GALNT13: variants seen among roughly 807,000 people sequenced by gnomAD.
GALNT13 encodes the protein UDP-GalNAc:polypeptide N-acetylgalactosaminyltransferase 13.
In GALNT13, 28 loss-of-function variants were observed where a neutral mutation model predicts 64.2. The observed-to-expected ratio is 0.44, with a 90% confidence interval of 0.32 to 0.60. GALNT13 has a LOEUF of 0.60. Ranked by LOEUF, GALNT13 falls within the 20% of genes least tolerant of loss-of-function variation. GALNT13 has a pLI of 0.05. For missense variants in GALNT13, 577 were observed against 669.8 expected (o/e 0.86, Z 1.53); for synonymous variants, 214 against 224.6 (o/e 0.95, Z 0.42).
chr2:153,569,816 C>T, the GALNT13 span, among the ~76,000 whole-genome samples: 3 of 151,942 alleles, frequency 2.0e-5, no homozygotes, highest in African/African-American at 7.3e-5. Context: ...CCCTATTAAC[C>T]TTGCTCACTT....
At chr2:153,513,753 A>C in the GALNT13 span, among the ~76,000 whole-genome samples, 65 of 152,308 alleles carry the variant, frequency 4.3e-4, no homozygotes, top group African/African-American at 1.5e-3. Flanking sequence ...AGGCACAGGA[A>C]AGCAGAAGCT....
intron 4 of GALNT13, among the ~76,000 whole-genome samples, chr2:154,190,893 C>T (rs1416236229): frequency 1.3e-5 from 2 of 152,142 alleles, no homozygotes; most frequent in Non-Finnish European, 2.9e-5. Flanking sequence ...AAAAACATGT[C>T]TGATGAGATA....
intron 1 of GALNT13, among the ~76,000 whole-genome samples, chr2:153,886,484 G>A (rs930163122): frequency 6.6e-6 from 1 of 151,464 alleles, no homozygotes; most frequent in Non-Finnish European, 1.5e-5. Context: ...CATGTCCTTT[G>A]TAGGGACATG....
At chr2:153,990,283 T>A (rs1695078423) in intron 3 of GALNT13, among the ~76,000 whole-genome samples, 1 of 152,054 alleles carries the variant, frequency 6.6e-6, no homozygotes, top group Admixed American at 6.6e-5. Flanking sequence ...GAAAAAGATG[T>A]AAGAAAGGTG....
the GALNT13 span, among the ~76,000 whole-genome samples, chr2:153,136,623 T>C: frequency 6.6e-6 from 1 of 152,084 alleles, no homozygotes. Flanking sequence ...TTTCTGACAG[T>C]GGCAGGAAAA....
At chr2:154,271,568 C>A (rs1313764914) in intron 8 of GALNT13, among the ~76,000 whole-genome samples, 12 of 151,822 alleles carry the variant, frequency 7.9e-5, no homozygotes, top group Admixed American at 7.9e-4. Flanking sequence ...ATAAACCTAG[C>A]CCTCTTGCAT....
At chr2:153,269,277 GC>G in the GALNT13 span, among the ~76,000 whole-genome samples, 1 of 152,074 alleles carries the variant, frequency 6.6e-6, no homozygotes, top group Non-Finnish European at 1.5e-5. Context: ...TGAATGCTTT[GC>G]TGCTTAGAAA....
At chr2:153,907,360 A>G (rs1025014325) in intron 2 of GALNT13, among the ~76,000 whole-genome samples, 3 of 151,842 alleles carry the variant, frequency 2.0e-5, no homozygotes, top group Non-Finnish European at 2.9e-5. Context: ...TATCATATAC[A>G]TATAATTACA....
intron 9 of GALNT13, among the ~76,000 whole-genome samples, chr2:154,308,930 C>T (rs1693886016): frequency 6.6e-6 from 1 of 152,086 alleles, no homozygotes; most frequent in African/African-American, 2.4e-5. Flanking sequence ...ATTAGGTCAA[C>T]ATTTATTATT....
chr2:154,079,079 G>A (rs1180139746), intron 3 of GALNT13, among the ~76,000 whole-genome samples: 1 of 151,580 alleles, frequency 6.6e-6, no homozygotes, highest in Admixed American at 6.6e-5. Flanking sequence ...TGAGGAATAC[G>A]TACACATATT....
chr2:153,238,748 T>G, the GALNT13 span, among the ~76,000 whole-genome samples: 1 of 152,152 alleles, frequency 6.6e-6, no homozygotes, highest in East Asian at 1.9e-4. Context: ...ACTATAGCTC[T>G]GCAGTATAAT....
intron 10 of GALNT13, among the ~76,000 whole-genome samples, chr2:154,397,682 A>T (rs1289416555): frequency 6.6e-6 from 1 of 152,190 alleles, no homozygotes; most frequent in Non-Finnish European, 1.5e-5. Context: ...ACCCTAGCTG[A>T]ATCGTTTTTA....
upstream of GALNT13, among the ~76,000 whole-genome samples, chr2:153,868,544 C>T (rs1409723536): frequency 6.6e-6 from 1 of 152,154 alleles, no homozygotes; most frequent in African/African-American, 2.4e-5. Flanking sequence ...ATACATTTTC[C>T]TTTATCCATC....
chr2:154,403,515 A>T (rs114447953), intron 10 of GALNT13, among the ~76,000 whole-genome samples: 1,523 of 152,034 alleles, frequency 0.01, 24 homozygotes, highest in South Asian at 0.043. Context: ...CCCAGGTGAT[A>T]TGTCCCTCTT....
chr2:153,598,544 A>T, the GALNT13 span, among the ~76,000 whole-genome samples: 1 of 152,008 alleles, frequency 6.6e-6, no homozygotes, highest in Non-Finnish European at 1.5e-5. Context: ...TGATAGCTGC[A>T]TTTCCACTAA....
intron 3 of GALNT13, among the ~76,000 whole-genome samples, chr2:153,981,154 G>A (rs1186401997): frequency 1.3e-5 from 2 of 151,868 alleles, no homozygotes; most frequent in East Asian, 3.9e-4. Context: ...ATACTAGATT[G>A]GAGCTACTGC....
the GALNT13 span, among the ~76,000 whole-genome samples, chr2:153,130,693 T>G: frequency 6.6e-6 from 1 of 152,116 alleles, no homozygotes; most frequent in African/African-American, 2.4e-5. Context: ...CTCCTTCTGG[T>G]CTTTAAAGTG....
At chr2:153,723,607 C>T in the GALNT13 span, among the ~76,000 whole-genome samples, 3 of 151,988 alleles carry the variant, frequency 2.0e-5, no homozygotes, top group Non-Finnish European at 4.4e-5. Context: ...TCAGCAAAGT[C>T]TCAGGATACA....
chr2:153,921,036 T>A (rs1316213953), intron 2 of GALNT13, among the ~76,000 whole-genome samples: 1 of 152,184 alleles, frequency 6.6e-6, no homozygotes, highest in Non-Finnish European at 1.5e-5. Flanking sequence ...AGCATGTAAA[T>A]TAGTTCAGCC....
Sources: gnomAD v4.1 joint callset for allele counts (sites outside exome capture counted in the v4.1 genomes callset) on GRCh38, gnomAD v4.1.1 for gene constraint, MANE v1.5 for transcripts, NCBI Gene and HGNC (gene_info 2026-07-23, HGNC 2026-07-21) for gene names.